PCSK4: variants seen among roughly 807,000 people sequenced by gnomAD.
PCSK4 encodes the protein proprotein convertase subtilisin/kexin type 4, also known as testicular tissue protein Li 135.
In PCSK4, 64 loss-of-function variants were observed where a neutral mutation model predicts 80.3. That is an observed-to-expected ratio of 0.80 (90% confidence interval 0.65 to 0.98). The LOEUF (loss-of-function observed/expected upper bound fraction) is 0.98, where lower values mean the gene tolerates loss of function less well. PCSK4 is among the 50% of genes least tolerant of loss of function. The pLI is 0.00. For missense variants in PCSK4, 1,213 were observed against 1,093.6 expected, an observed-to-expected ratio of 1.11 and a Z score of -1.54; for synonymous variants, 561 against 487.6, an observed-to-expected ratio of 1.15 and a Z score of -1.98.
chr19:1,484,014 C>G lies in PCSK4; in HGVS notation c.1169+13G>C. ...GGGGCGAGGGCGGTGGACCGGGCCC[C>G]GCAGTCACCTACTTGGCCTCCAGCG... On this transcript the variant is annotated intron_variant, in intron 9 of 14. Transcript: ENST00000300954. 1 of 1,529,544 alleles carries G rather than the reference C, an allele frequency of 6.5e-7. No homozygotes were observed. The highest frequency in any genetic ancestry group is 1.2e-5 in the South Asian group (1 of 83,626). The allele number at this position is 1,529,544 out of a possible 1,614,324, so 94.7% of individuals were successfully genotyped here. A position where few individuals can be genotyped will look rare whatever the true frequency, so the allele number is the denominator to read the frequency against.
intron 6 of PCSK4, 34 bp from the exon 7 acceptor site, chr19:1,487,347 G>C: frequency 6.6e-7 from 1 of 1,522,342 alleles, no homozygotes; most frequent in East Asian, 2.3e-5. Context: ...CGCTGCCACC[G>C]GCCCTGCCCT....
exon 11 of PCSK4, chr19:1,483,688 C>T (rs373499168): frequency 5.0e-6 from 8 of 1,596,046 alleles, no homozygotes; most frequent in South Asian, 2.2e-5. Flanking sequence ...ACTTCCTCTG[C>T]GGCTGGGTGG....
In PCSK4 at chr19:1,483,822, C is replaced by G; in HGVS notation, c.1273+16G>C. 6.7e-7 allele frequency: 1 copy of G among 1,488,824 alleles called. No homozygotes were observed. The allele number at this position is 1,488,824 out of a possible 1,614,324, so 92.2% of individuals were successfully genotyped here. ...CGTGGGCCCCGGGTCCCCGCCCCCG[C>G]CCGGCCCCGCCGCACCTTGGCGCCC... On this transcript the variant is annotated intron_variant, in intron 10 of 14. Transcript: ENST00000300954.
At chr19:1,488,209 C>G (rs758095496) in exon 3 of PCSK4, 25 of 1,613,456 alleles carry the variant, frequency 1.5e-5, no homozygotes, top group Non-Finnish European at 2.1e-5. Flanking sequence ...GCTTGGAGAA[C>G]CAGGGGTCCG....
chr19:1,484,051 A>G (rs1190683867), exon 9 of PCSK4: 1 of 1,556,806 alleles, frequency 6.4e-7, no homozygotes, highest in Non-Finnish European at 8.7e-7. Context: ...TAGGGCGATC[A>G]TGCCGGCCGC....
chr19:1,484,355 C>T (rs1026796809), intron 8 of PCSK4, among the ~76,000 whole-genome samples: 4 of 151,624 alleles, frequency 2.6e-5, no homozygotes, highest in African/African-American at 4.9e-5. Context: ...GGCATGGTGG[C>T]GGGCACCTGT....
chr19:1,490,288 C>T (rs765591904), exon 1 of PCSK4: 2 of 1,584,164 alleles, frequency 1.3e-6, no homozygotes, highest in East Asian at 4.6e-5. Flanking sequence ...AGCCCGGGGG[C>T]GGACAAGGGC....
chr19:1,486,938 T>A lies in PCSK4; in HGVS notation c.983A>T (p.Gln328Leu), dbSNP rs760164906. ...TTCGCTGTACCAGGGCACGCGGCCC[T>A]GCTGGGTGGTGCTGCCCACGGAAAG... Residue 328 changes from glutamine to leucine, a missense_variant, in exon 8 of 15, where the codon CAG becomes CTG. Transcript: ENST00000300954. 3.1e-6 allele frequency: 5 copies of A among 1,606,500 alleles called. No individual in the cohort carries two copies. The Admixed American group carries it at 8.3e-5, about 27-fold the overall frequency.
exon 15 of PCSK4, chr19:1,481,709 G>T: frequency 1.5e-6 from 2 of 1,305,264 alleles, no homozygotes; most frequent in Non-Finnish European, 2.1e-6. Context: ...TGGCAGCAGT[G>T]CCTGTCAGGG....
At position 1,487,659 on chromosome 19, in the gene PCSK4, G is replaced by A. The variant is rs748679395; in HGVS notation, c.626C>T (p.Ala209Val). 48 of 1,555,128 alleles carry A rather than the reference G, an allele frequency of 3.1e-5. No individual in the cohort carries two copies. Among genetic ancestry groups the A allele is most frequent in the South Asian group, 4.7e-5 (4 of 84,382 alleles). The change falls in exon 6 of 15, where the codon GCG becomes GTG. Residue 209 changes from alanine (A) to valine (V), a missense_variant. Physicochemically the swap from Ala to Val is moderately conservative, Grantham distance 64. Transcript: ENST00000300954. ...ACCACAGAAGCCATTGTTGGCCATC[G>A]CGGCCACCTCCCCAGCACAGCGGGT... is the stretch of plus-strand genomic sequence containing the variant.
intron 8 of PCSK4, among the ~76,000 whole-genome samples, chr19:1,485,826 G>A (rs1053136674): frequency 2.0e-5 from 3 of 151,890 alleles, no homozygotes; most frequent in Non-Finnish European, 4.4e-5. Context: ...AGCTGAGATC[G>A]CGCCACTGCA....
At chr19:1,483,381 C>A (rs1390575969) in exon 12 of PCSK4, 1 of 1,606,686 alleles carries the variant, frequency 6.2e-7, no homozygotes, top group Non-Finnish European at 8.5e-7. Context: ...TGCGCCTGCA[C>A]GTGCTCCAGC....
Position 1,488,297 on chromosome 19 carries a change from G to A in PCSK4, c.295-17C>T, listed in dbSNP as rs1466354141. On this transcript the variant is annotated splice_polypyrimidine_tract_variant and intron_variant, in intron 2 of 14. Coordinates refer to ENST00000300954, the Ensembl canonical transcript of PCSK4. ...CCACTGCACCTGCAGAGCAGAGGGT[G>A]CATCAGGCCTGTCCCCTGCTCGCCC... The A allele has an allele frequency of 1.2e-6, 2 of 1,603,420 alleles. No homozygotes were observed. Among genetic ancestry groups the A allele is most frequent in the Admixed American group, 1.7e-5 (1 of 59,714 alleles).
At chr19:1,486,802 C>T in intron 8 of PCSK4, 51 bp downstream of exon 8, 4 of 1,473,550 alleles carry the variant, frequency 2.7e-6, no homozygotes, top group Middle Eastern at 2.3e-4. Context: ...GGAGGCCAGG[C>T]TGGGATGGCA....
chr19:1,484,402 A>C (rs1461730304), intron 8 of PCSK4, among the ~76,000 whole-genome samples: 1 of 151,860 alleles, frequency 6.6e-6, no homozygotes, highest in Admixed American at 6.6e-5. Context: ...CAGGAGAATC[A>C]CTTGAACCCG....
intron 12 of PCSK4, 80 bp downstream of exon 12, chr19:1,483,204 C>T: frequency 7.2e-7 from 1 of 1,386,656 alleles, no homozygotes; most frequent in Non-Finnish European, 9.6e-7. Flanking sequence ...CTGGCCCCTC[C>T]CCGTGAGGAC....
upstream of PCSK4, chr19:1,490,538 C>G (rs2084896664): frequency 2.0e-6 from 1 of 502,800 alleles, no homozygotes; most frequent in Non-Finnish European, 3.5e-6. Context: ...CACGCCTGCC[C>G]GTCTTCCGCA....
At chr19:1,486,029 G>C (rs967918430) in intron 8 of PCSK4, among the ~76,000 whole-genome samples, 2 of 152,158 alleles carry the variant, frequency 1.3e-5, no homozygotes, top group Non-Finnish European at 2.9e-5. Context: ...CTGGAGTGCA[G>C]TGGTGCAATC....
rs201487037 is a variant in PCSK4, at chr19:1,490,144, C to T, written c.189+14G>A. The stretch of plus-strand genomic sequence containing the variant: ...TCCAAGCCCCCACTTCCCGTCTATC[C>T]CGGTCCCACCCACCGGCCCCAGGTT... On this transcript the variant is annotated intron_variant, in intron 1 of 14. Coordinates refer to ENST00000300954, the Ensembl canonical transcript of PCSK4. The T allele has an allele frequency of 4.3e-3, 6,999 of 1,613,306 alleles. 17 individuals carry two copies. The highest frequency in any genetic ancestry group is 5.1e-3 in the Non-Finnish European group (5,984 of 1,179,826).
Sources: allele counts gnomAD v4.1 joint callset (sites outside exome capture counted in the v4.1 genomes callset), GRCh38; gene constraint gnomAD v4.1.1; transcripts MANE v1.5; gene names NCBI Gene and HGNC (gene_info 2026-07-23, HGNC 2026-07-21).